DSC3: variants seen among roughly 807,000 people sequenced by gnomAD.
DSC3 encodes desmocollin-3.
DSC3 carries 97 observed loss-of-function variants against 89.5 expected under a neutral mutation model. That is an observed-to-expected ratio of 1.08 (90% confidence interval 0.92 to 1.28). The LOEUF (loss-of-function observed/expected upper bound fraction) is 1.28. DSC3 is among the 50% of genes most tolerant of loss of function. The pLI, the probability that DSC3 is intolerant of heterozygous loss-of-function variation, is 0.00. For missense variants in DSC3, 1,199 were observed against 1,085.3 expected (o/e 1.10, Z -1.47); for synonymous variants, 436 against 384.1 (o/e 1.14, Z -1.58).
intron 15 of DSC3, among the ~76,000 whole-genome samples, chr18:30,994,724 A>T (rs1598594622): frequency 6.6e-6 from 1 of 152,230 alleles, no homozygotes; most frequent in African/African-American, 2.4e-5. Context: ...TTGAGATAGG[A>T]TGTCAAACAG....
intron 4 of DSC3, among the ~76,000 whole-genome samples, chr18:31,026,925 C>G (rs552600186): frequency 4.6e-5 from 7 of 152,102 alleles, no homozygotes; most frequent in Non-Finnish European, 1.0e-4. Flanking sequence ...CCTGCAGAGA[C>G]AGCCATGCTA....
intron 9 of DSC3, among the ~76,000 whole-genome samples, chr18:31,010,074 C>A (rs1051851271): frequency 5.9e-5 from 9 of 152,166 alleles, no homozygotes; most frequent in African/African-American, 2.2e-4. Context: ...AAACATTGAA[C>A]AAAATCAAAA....
intron 7 of DSC3, 72 bp from the exon 8 acceptor site, chr18:31,018,872 A>ACACT (rs1047282642): frequency 3.0e-6 from 4 of 1,354,370 alleles, no homozygotes; most frequent in Admixed American, 3.5e-5. Flanking sequence ...CCTCAATTGC[A>ACACT]CACTCACTCA....
chr18:31,004,106 T>G (rs1233109341), intron 13 of DSC3, 36 bp downstream of exon 13: 5 of 1,491,838 alleles, frequency 3.4e-6, no homozygotes, highest in Non-Finnish European at 4.7e-6. Context: ...GATTTTTTAT[T>G]ATATATTTTA....
intron 1 of DSC3, among the ~76,000 whole-genome samples, chr18:31,040,781 C>T (rs187795086): frequency 6.6e-6 from 1 of 152,024 alleles, no homozygotes; most frequent in Admixed American, 6.6e-5. Context: ...TTCTAAAATG[C>T]CGTGTCATTA....
At chr18:30,997,283 T>C (rs1461268555) in intron 14 of DSC3, among the ~76,000 whole-genome samples, 1 of 152,146 alleles carries the variant, frequency 6.6e-6, no homozygotes, top group East Asian at 1.9e-4. Context: ...ATTTATTTCT[T>C]ACAGTTATGA....
chr18:31,034,446 GT>G (rs1331141850), intron 1 of DSC3, among the ~76,000 whole-genome samples: 7 of 152,156 alleles, frequency 4.6e-5, no homozygotes, highest in Admixed American at 4.6e-4. Context: ...ATGTAAAGTG[GT>G]GCAGATACTT....
intron 9 of DSC3, among the ~76,000 whole-genome samples, chr18:31,012,880 G>A (rs1315161860): frequency 1.3e-5 from 2 of 152,018 alleles, no homozygotes; most frequent in Non-Finnish European, 2.9e-5. Flanking sequence ...TACAATCTTG[G>A]CTATGACTTA....
intron 4 of DSC3, 75 bp from the exon 5 acceptor site, chr18:31,025,990 T>C: frequency 7.7e-7 from 1 of 1,305,884 alleles, no homozygotes; most frequent in Non-Finnish European, 1.1e-6. Context: ...GCAGCTGATG[T>C]ATCTTTTTAT....
chr18:31,016,471 A>G (rs1482379297), intron 9 of DSC3, among the ~76,000 whole-genome samples: 2 of 152,190 alleles, frequency 1.3e-5, no homozygotes, highest in African/African-American at 2.4e-5. Context: ...AATCACATCA[A>G]TTCGAAACAT....
chr18:31,008,396 G>T lies in DSC3; in HGVS notation c.1393C>A (p.Leu465Met). 1.2e-6 allele frequency: 2 copies of T among 1,614,104 alleles called. No individual in the cohort carries two copies. The highest frequency in any genetic ancestry group is 8.5e-7 in the Non-Finnish European group (1 of 1,180,000). Residue 465 changes from leucine to methionine, a missense_variant, in exon 10 of 16, where the codon CTG becomes ATG. Transcript: ENST00000360428. ...RALVTVHVRDLDEGPECTPAA... is the reference protein window; with the variant it reads ...RALVTVHVRDMDEGPECTPAA... ...GGAGTGCATTCAGGCCCCTCATCCA[G>T]ATCCCTCACATGAACTGTAACCAAG... is the stretch of plus-strand genomic sequence containing the variant.
chr18:31,009,958 A>G (rs957566920), intron 9 of DSC3, among the ~76,000 whole-genome samples: 5 of 152,256 alleles, frequency 3.3e-5, no homozygotes, highest in African/African-American at 1.2e-4. Context: ...TCAGTTTTAG[A>G]TAACAAATCA....
intron 15 of DSC3, among the ~76,000 whole-genome samples, chr18:30,994,989 T>C (rs758757028): frequency 3.3e-5 from 5 of 152,188 alleles, no homozygotes. Context: ...GTTTCCAAGA[T>C]ACTCAAACAT....
intron 2 of DSC3, 134 bp downstream of exon 2, chr18:31,032,058 T>C (rs1985806715): frequency 1.5e-6 from 1 of 678,968 alleles, no homozygotes; most frequent in East Asian, 2.7e-5. Context: ...TGATAACTTC[T>C]GGTTTACTCC....
chr18:31,031,589 A>T (rs1985793573), intron 2 of DSC3, among the ~76,000 whole-genome samples: 1 of 152,182 alleles, frequency 6.6e-6, no homozygotes, highest in Admixed American at 6.5e-5. Context: ...CCATGAGCCA[A>T]AGAGCAATGG....
chr18:31,002,700 CAA>C (rs78660458), intron 13 of DSC3, among the ~76,000 whole-genome samples: 30,836 of 86,624 alleles, frequency 0.36, 3,175 homozygotes, highest in East Asian at 0.62. Flanking sequence ...AACTCTGCCT[CAA>C]AAAAAAAAAA....
intron 9 of DSC3, among the ~76,000 whole-genome samples, chr18:31,014,435 AG>A (rs1294676280): frequency 6.6e-6 from 1 of 152,116 alleles, no homozygotes; most frequent in East Asian, 1.9e-4. Context: ...ACCAAGTAAA[AG>A]TGAGACGTTT....
intron 3 of DSC3, among the ~76,000 whole-genome samples, chr18:31,030,064 GT>G (rs1412393132): frequency 6.6e-6 from 1 of 152,154 alleles, no homozygotes; most frequent in Non-Finnish European, 1.5e-5. Flanking sequence ...TATTTACACA[GT>G]CTGATATGGT....
intron 9 of DSC3, among the ~76,000 whole-genome samples, chr18:31,014,846 G>A (rs1985182392): frequency 6.6e-6 from 1 of 152,086 alleles, no homozygotes. Flanking sequence ...CCAGGTTTGT[G>A]TTCCGGGGTG....
Sources: allele counts gnomAD v4.1 joint callset (sites outside exome capture counted in the v4.1 genomes callset), GRCh38; gene constraint gnomAD v4.1.1; transcripts MANE v1.5; gene names NCBI Gene and HGNC (gene_info 2026-07-23, HGNC 2026-07-21).